The following SLC9A3 variants were observed in gnomAD, a reference collection of about 807,000 sequenced individuals.
The protein encoded by SLC9A3 is solute carrier family 9 member A3, also known as sodium/hydrogen exchanger 3.
In SLC9A3, 37 loss-of-function variants were observed where a neutral mutation model predicts 86.8. That is an observed-to-expected ratio of 0.43 (90% CI 0.33 to 0.56). The LOEUF (loss-of-function observed/expected upper bound fraction) is 0.56. SLC9A3 is among the 20% of genes least tolerant of loss of function. The pLI, the probability that SLC9A3 is intolerant of heterozygous loss-of-function variation, is 0.06. For synonymous variants in SLC9A3, 581 were observed against 528.3 expected, an observed-to-expected ratio of 1.10 and a Z score of -1.37; for missense variants, 1,011 against 1,171.9, an observed-to-expected ratio of 0.86 and a Z score of 2.00.
At chr5:518,112 C>G (rs1217805666) in intron 1 of SLC9A3, among the ~76,000 whole-genome samples, 1 of 152,264 alleles carries the variant, frequency 6.6e-6, no homozygotes, top group Non-Finnish European at 1.5e-5. Context: ...AGGAATAAGA[C>G]AGACAACCTC....
chr5:472,158 G>A lies in SLC9A3; in HGVS notation c.*1221C>T, dbSNP rs923646914. On this transcript the variant is annotated 3_prime_UTR_variant, in exon 17 of 17. Coordinates refer to ENST00000264938, the MANE Select transcript of SLC9A3 (RefSeq NM_004174.4). The stretch of plus-strand genomic sequence containing the variant: ...CCCCGGCTCAGCACCCGCGGCCTCC[G>A]CCCACTCAATGGACTGTGCCTCCCA... 1.1e-5 allele frequency: 4 copies of A among 378,630 alleles called. No homozygotes were observed. Among genetic ancestry groups the A allele is most frequent in the African/African-American group, 6.3e-5 (3 of 47,482 alleles). 23.5% of individuals were successfully genotyped at this position (378,630 alleles called of 1,614,324 possible).
chr5:511,665 A>G (rs1363115504), intron 1 of SLC9A3, among the ~76,000 whole-genome samples: 3 of 152,278 alleles, frequency 2.0e-5, no homozygotes, highest in Admixed American at 6.5e-5. Flanking sequence ...ATGTGGCCAC[A>G]GGAGTGTGCA....
chr5:518,580 G>C (rs1733800718), intron 1 of SLC9A3, among the ~76,000 whole-genome samples: 1 of 152,162 alleles, frequency 6.6e-6, no homozygotes, highest in Non-Finnish European at 1.5e-5. Flanking sequence ...CCTGGTTGTG[G>C]GACTCAGCCC....
intron 7 of SLC9A3, 37 bp from the exon 8 acceptor site, chr5:482,194 GC>G: frequency 1.3e-6 from 2 of 1,503,356 alleles, no homozygotes; most frequent in Non-Finnish European, 1.8e-6. Context: ...GTGCCAGGCA[GC>G]CCCCCACATC....
intron 3 of SLC9A3, among the ~76,000 whole-genome samples, chr5:487,723 G>T (rs1739535983): frequency 6.6e-6 from 1 of 152,200 alleles, no homozygotes; most frequent in Non-Finnish European, 1.5e-5. Flanking sequence ...GCTGGAGTGC[G>T]ATGGCACGAT....
chr5:483,032 C>T (rs942418758), intron 6 of SLC9A3, among the ~76,000 whole-genome samples: 7 of 151,950 alleles, frequency 4.6e-5, no homozygotes, highest in African/African-American at 7.3e-5. Flanking sequence ...TCTCGTGCCA[C>T]TGACCCTGTC....
intron 1 of SLC9A3, among the ~76,000 whole-genome samples, chr5:512,616 G>C (rs774239793): frequency 6.6e-6 from 1 of 152,162 alleles, no homozygotes; most frequent in Non-Finnish European, 1.5e-5. Context: ...TGGCTGGAGG[G>C]AACTTGATAC....
Position 491,458 on chromosome 5 carries a change from G to A in SLC9A3, c.514+311C>T, listed in dbSNP as rs1175716370. Among the ~76,000 whole-genome samples, 1 of 152,088 alleles carries A rather than the reference G, an allele frequency of 6.6e-6. No homozygotes were observed. The highest frequency in any genetic ancestry group is 2.4e-5 in the African/African-American group (1 of 41,376). ...TCCTCTCCCTGGGACCTGGTGGCCGGCGAGTGTGGACGGACCCCTACCTCT... is the reference window on the plus strand; with the variant it reads ...TCCTCTCCCTGGGACCTGGTGGCCGACGAGTGTGGACGGACCCCTACCTCT... On this transcript the variant is annotated intron_variant, in intron 2 of 16. Transcript: ENST00000264938. The surrounding 1 kb of genome is among the most constrained non-coding windows in gnomAD (Gnocchi z 9.2).
intron 10 of SLC9A3, chr5:479,129 G>A (rs961574067): frequency 6.6e-6 from 1 of 152,484 alleles, no homozygotes; most frequent in African/African-American, 2.4e-5. Context: ...AGCTCGCTAG[G>A]GAGGGCTCTG....
Position 524,219 on chromosome 5 carries a change from G to A in SLC9A3, c.104C>T (p.Ala35Val), listed in dbSNP as rs1274127342. The A allele has an allele frequency of 3.3e-6, 5 of 1,511,182 alleles. No individual in the cohort carries two copies. Among genetic ancestry groups the A allele is most frequent in the Middle Eastern group, 1.8e-4 (1 of 5,660 alleles). 93.6% of individuals were successfully genotyped at this position (1,511,182 alleles called of 1,614,324 possible). Reference protein sequence around the residue: ...AGGVEVEPGGAHGESGGFQVV... With the variant: ...AGGVEVEPGGVHGESGGFQVV... The stretch of plus-strand genomic sequence containing the variant: ...CTGGAAGCCCCCGCTCTCGCCGTGC[G>A]CGCCGCCGGGCTCCACCTCGACGCC... Residue 35 changes from alanine (A) to valine (V), a missense_variant, in exon 1 of 17, where the codon GCG becomes GTG. Ala to Val is a moderately conservative substitution (Grantham distance 64). This residue lies in a region of SLC9A3 where 565 missense variants were observed against 790.0 expected (regional missense o/e 0.72). Coordinates refer to ENST00000264938, the MANE Select transcript of SLC9A3 (RefSeq NM_004174.4).
intron 16 of SLC9A3, among the ~76,000 whole-genome samples, chr5:473,599 C>T (rs1163255456): frequency 6.6e-6 from 1 of 152,098 alleles, no homozygotes; most frequent in East Asian, 1.9e-4. Flanking sequence ...GGCCCCGCCA[C>T]GTCCCCCCGC....
At chr5:510,644 G>C (rs957633795) in intron 1 of SLC9A3, among the ~76,000 whole-genome samples, 1 of 152,236 alleles carries the variant, frequency 6.6e-6, no homozygotes, top group African/African-American at 2.4e-5. Context: ...CTGAGGGCCC[G>C]CTACCCACAG....
In SLC9A3 at chr5:471,977, ATAGTT is replaced by A. The variant is rs1738382235; in HGVS notation, c.*1397_*1401del. 9 of 456,570 alleles carry A rather than the reference ATAGTT, an allele frequency of 2.0e-5. No homozygotes were observed. The highest frequency in any genetic ancestry group is 1.2e-4 in the South Asian group (8 of 64,578). 28.3% of individuals were successfully genotyped at this position (456,570 alleles called of 1,614,324 possible). ...TGTCAACACTTGATCTGAAACGTGA[ATAGTT>A]TAATTTTCCTGAGCAAGGAGCTGCG... On this transcript the variant is annotated 3_prime_UTR_variant, in exon 17 of 17. Coordinates refer to ENST00000264938, the MANE Select transcript of SLC9A3 (RefSeq NM_004174.4).
intron 14 of SLC9A3, 110 bp downstream of exon 14, chr5:475,910 A>G: frequency 1.0e-6 from 1 of 977,516 alleles, no homozygotes; most frequent in South Asian, 1.7e-5. Flanking sequence ...GGGTGGCTGG[A>G]GGGTCCCCAG....
Position 491,921 on chromosome 5 carries a change from G to A in SLC9A3, c.362C>T (p.Pro121Leu), listed in dbSNP as rs1248713108. 2 of 1,611,850 alleles carry A rather than the reference G, an allele frequency of 1.2e-6. No homozygotes were observed. Among genetic ancestry groups the A allele is most frequent in the Non-Finnish European group, 8.5e-7 (1 of 1,179,584 alleles). The change falls in exon 2 of 17, where the codon CCC (proline) becomes CTC (leucine). Residue 121 changes from proline to leucine, a missense_variant. By Grantham distance (98) the Pro-to-Leu change is moderately conservative (BLOSUM62 -3). Around this residue, in one of 3 missense-constraint regions of SLC9A3, gnomAD observed 565 missense variants for 790.0 expected, o/e 0.72. Transcript: ENST00000264938. The surrounding 1 kb of genome is among the most constrained non-coding windows in gnomAD (Gnocchi z 9.2). ...GTAGCCGGCGTCCAGCACGATGGGG[G>A]GCAGCAGGTAGAAGAAGAAGACGGT... ...TPTVFFFYLL[P>L]PIVLDAGYFM... is the part of the protein sequence containing the mutation.
rs1395278926 is a variant in SLC9A3 at position 472,555 on chromosome 5, G to A, written c.*824C>T. The stretch of plus-strand genomic sequence containing the variant: ...CGTCTGTGGGGACGGGCCGTGTCCG[G>A]GGCCGCCACCCTGAGACCGGGCGCG... On this transcript the variant is annotated 3_prime_UTR_variant, in exon 17 of 17. Coordinates refer to ENST00000264938, the MANE Select transcript of SLC9A3 (RefSeq NM_004174.4). The A allele has an allele frequency of 2.9e-6, 1 of 348,806 alleles. No homozygotes were observed. The highest frequency in any genetic ancestry group is 2.3e-5 in the African/African-American group (1 of 44,432). The allele number at this position is 348,806 out of a possible 1,614,324, so 21.6% of individuals were successfully genotyped here.
chr5:473,335 G>C lies in SLC9A3; in HGVS notation c.*44C>G. The C allele has an allele frequency of 7.1e-7, 1 of 1,412,610 alleles. No individual in the cohort carries two copies. Among genetic ancestry groups the C allele is most frequent in the Non-Finnish European group, 9.3e-7 (1 of 1,077,584 alleles). The allele number at this position is 1,412,610 out of a possible 1,614,324, so 87.5% of individuals were successfully genotyped here. ...GCGGCGGCGGCGGTGGGCGGACCGT[G>C]GCGCGGGGACGAGCGGCCGGTTAGC... is the stretch of plus-strand genomic sequence containing the variant. On this transcript the variant is annotated 3_prime_UTR_variant, in exon 17 of 17. Transcript: ENST00000264938.
At chr5:479,692 GC>G in intron 10 of SLC9A3, 143 bp downstream of exon 10, 1 of 720,068 alleles carries the variant, frequency 1.4e-6, no homozygotes, top group Non-Finnish European at 2.3e-6. Flanking sequence ...GCATCAGAAG[GC>G]CCATCAGCCT....
At chr5:513,057 C>T (rs1208186645) in intron 1 of SLC9A3, among the ~76,000 whole-genome samples, 1 of 152,118 alleles carries the variant, frequency 6.6e-6, no homozygotes, top group East Asian at 1.9e-4. Context: ...TGGAGAATTG[C>T]CTCCTGCAGC....
Sources: gnomAD v4.1 joint callset for allele counts (sites outside exome capture counted in the v4.1 genomes callset) on GRCh38, gnomAD v4.1.1 for gene constraint, gnomAD v4.1.1 regional missense constraint, Gnocchi (gnomAD v3.1) non-coding constraint, MANE v1.5 for transcripts, NCBI Gene and HGNC (gene_info 2026-07-23, HGNC 2026-07-21) for gene names.